AASDHPPT: variants seen among roughly 807,000 people sequenced by gnomAD.
The protein encoded by AASDHPPT is L-aminoadipate-semialdehyde dehydrogenase-phosphopantetheinyl transferase.
In AASDHPPT, 23 loss-of-function variants were observed where a neutral mutation model predicts 36.4. That is an observed-to-expected ratio of 0.63 (90% CI 0.45 to 0.89). The LOEUF (loss-of-function observed/expected upper bound fraction) is 0.89. Ranked by LOEUF, AASDHPPT falls within the 40% of genes least tolerant of loss-of-function variation. AASDHPPT has a pLI of 0.00. For synonymous variants in AASDHPPT, 115 were observed against 128.0 expected, an observed-to-expected ratio of 0.90 and a Z score of 0.68; for missense variants, 377 against 378.2, an observed-to-expected ratio of 1.00 and a Z score of 0.03.
intron 2 of AASDHPPT, among the ~76,000 whole-genome samples, chr11:106,084,542 C>T (rs1328757267): frequency 6.6e-6 from 1 of 152,114 alleles, no homozygotes; most frequent in East Asian, 1.9e-4. Flanking sequence ...AAGTGATCTG[C>T]CTGCCTCAGC....
intron 4 of AASDHPPT, 124 bp from the exon 5 acceptor site, chr11:106,094,459 T>G (rs1031284068): frequency 1.6e-6 from 1 of 618,988 alleles, no homozygotes; most frequent in South Asian, 3.2e-5. Flanking sequence ...TATGCACGCG[T>G]GTGAGTGTAC....
intron 2 of AASDHPPT, among the ~76,000 whole-genome samples, chr11:106,087,017 T>C (rs1861204971): frequency 6.6e-6 from 1 of 152,218 alleles, no homozygotes; most frequent in Non-Finnish European, 1.5e-5. Flanking sequence ...GTTCTAGCTC[T>C]ATCAGCCTGT....
In AASDHPPT at chr11:106,096,979, G is replaced by T; in HGVS notation, c.*72G>T. The T allele has an allele frequency of 1.5e-6, 2 of 1,373,230 alleles. No homozygotes were observed. The highest frequency in any genetic ancestry group is 2.8e-5 in the East Asian group (1 of 35,770). 85.1% of individuals were successfully genotyped at this position (1,373,230 alleles called of 1,614,324 possible). On this transcript the variant is annotated 3_prime_UTR_variant, in exon 6 of 6. Transcript: ENST00000278618. ...CGTATTCACTGAAAAATAAATGCTT[G>T]TTTAGTATCAAATTTTATTTCACGA...
Position 106,077,664 on chromosome 11 carries a change from G to T in AASDHPPT, c.-47G>T, listed in dbSNP as rs1022765078. 9 of 1,588,530 alleles carry T rather than the reference G, an allele frequency of 5.7e-6. No individual in the cohort carries two copies. The highest frequency in any genetic ancestry group is 7.7e-6 in the Non-Finnish European group (9 of 1,163,594). ...AAGAAGGGGGTGGGGCCACGTTTGCGTCCGCGCCATCAGGCCCGAGATAGC... is the reference window on the plus strand; with the variant it reads ...AAGAAGGGGGTGGGGCCACGTTTGCTTCCGCGCCATCAGGCCCGAGATAGC... On this transcript the variant is annotated 5_prime_UTR_variant, in exon 1 of 6. Coordinates refer to ENST00000278618, the MANE Select transcript of AASDHPPT (RefSeq NM_015423.3).
chr11:106,078,722 T>C (rs1429157135), intron 1 of AASDHPPT, among the ~76,000 whole-genome samples: 2 of 152,230 alleles, frequency 1.3e-5, no homozygotes, highest in Non-Finnish European at 2.9e-5. Flanking sequence ...CTGCAGTTTT[T>C]AAAAGTCAGT....
At chr11:106,083,903 T>A (rs1043561490) in intron 2 of AASDHPPT, among the ~76,000 whole-genome samples, 1 of 152,124 alleles carries the variant, frequency 6.6e-6, no homozygotes, top group Non-Finnish European at 1.5e-5. Flanking sequence ...AATGGATATT[T>A]AAATTTAAAA....
Position 106,079,463 on chromosome 11 carries a change from A to G in AASDHPPT, c.184-4A>G. On this transcript the variant is annotated splice_polypyrimidine_tract_variant and splice_region_variant and intron_variant, in intron 1 of 5. Coordinates refer to ENST00000278618, the MANE Select transcript of AASDHPPT (RefSeq NM_015423.3). ...ACATACCAAATGTTTTATGTACTTA[A>G]CAGGCTGGTCGTCTGATGATAAGGA... The G allele has an allele frequency of 6.3e-7, 1 of 1,596,958 alleles. No individual in the cohort carries two copies. The highest frequency in any genetic ancestry group is 8.5e-7 in the Non-Finnish European group (1 of 1,169,636).
At chr11:106,080,363 T>G (rs1398778509) in intron 2 of AASDHPPT, among the ~76,000 whole-genome samples, 2 of 152,148 alleles carry the variant, frequency 1.3e-5, no homozygotes, top group Non-Finnish European at 2.9e-5. Flanking sequence ...TCTAAATACA[T>G]CTCTTTTTAG....
chr11:106,094,785 A>G (rs995193496), intron 5 of AASDHPPT, 131 bp downstream of exon 5: 31 of 569,098 alleles, frequency 5.4e-5, no homozygotes, highest in Non-Finnish European at 8.2e-5. Flanking sequence ...ATATAGTAGT[A>G]CTCTTTATTA....
At chr11:106,085,664 AAC>A (rs1861190301) in intron 2 of AASDHPPT, among the ~76,000 whole-genome samples, 1 of 152,238 alleles carries the variant, frequency 6.6e-6, no homozygotes, top group Non-Finnish European at 1.5e-5. Context: ...ACTTTATAAA[AAC>A]AGTTGACAAA....
At chr11:106,086,380 G>A (rs1304203507) in intron 2 of AASDHPPT, 1 of 152,122 alleles carries the variant, frequency 6.6e-6, no homozygotes. Flanking sequence ...CTCCTTGTAA[G>A]GAAACCAGGC....
At position 106,097,071 on chromosome 11, in the gene AASDHPPT, C is replaced by T. The variant is rs533250072; in HGVS notation, c.*164C>T. On this transcript the variant is annotated 3_prime_UTR_variant, in exon 6 of 6. Coordinates refer to ENST00000278618, the MANE Select transcript of AASDHPPT (RefSeq NM_015423.3). The stretch of plus-strand genomic sequence containing the variant: ...AAAGCAGACTTCTGGTTCAAGATAG[C>T]TCACTGGAATACATGTTTACCTCTT... 130 of 629,208 alleles carry T rather than the reference C, an allele frequency of 2.1e-4. No homozygotes were observed. The African/African-American group carries it at 2.2e-3, about 11-fold the overall frequency. 39.0% of individuals were successfully genotyped at this position (629,208 alleles called of 1,614,324 possible).
Position 106,077,729 on chromosome 11 carries a change from C to A in AASDHPPT, c.19C>A (p.Arg7=). Residue 7 remains arginine, a synonymous_variant, in exon 1 of 6, where the codon CGG becomes AGG. Transcript: ENST00000278618. MVFPAK[R]FCLVPSMEGV... ...TCAGTGTATGGTTTTCCCTGCCAAA[C>A]GGTTCTGCTTGGTGCCATCCATGGA... 1 of 1,613,814 alleles carries A rather than the reference C, an allele frequency of 6.2e-7. No homozygotes were observed.
intron 5 of AASDHPPT, chr11:106,095,780 A>C (rs903124561): frequency 5.3e-5 from 8 of 152,188 alleles, no homozygotes; most frequent in African/African-American, 1.9e-4. Flanking sequence ...GTTAAAATTG[A>C]CACCTGTTAT....
intron 2 of AASDHPPT, chr11:106,086,466 A>G (rs933019185): frequency 1.3e-5 from 2 of 152,260 alleles, no homozygotes; most frequent in South Asian, 4.1e-4. Flanking sequence ...TCTATTTCCA[A>G]ATAAGGTCAC....
At chr11:106,085,878 A>G (rs1311505489) in intron 2 of AASDHPPT, 2 of 152,254 alleles carry the variant, frequency 1.3e-5, no homozygotes, top group African/African-American at 4.8e-5. Flanking sequence ...CTAGTGGGAA[A>G]TCCACAGTGC....
intron 2 of AASDHPPT, among the ~76,000 whole-genome samples, chr11:106,084,035 T>A (rs529886531): frequency 6.6e-6 from 1 of 152,274 alleles, no homozygotes; most frequent in South Asian, 2.1e-4. Context: ...ATGAAGTGAT[T>A]AGAAAATATT....
chr11:106,091,645 A>T, intron 4 of AASDHPPT, 168 bp downstream of exon 4: 1 of 577,328 alleles, frequency 1.7e-6, no homozygotes, highest in Admixed American at 4.1e-5. Flanking sequence ...ATTTATACTA[A>T]TACTTGAAAG....
At chr11:106,089,938 T>C (rs2135042427) in intron 2 of AASDHPPT, among the ~76,000 whole-genome samples, 2 of 152,152 alleles carry the variant, frequency 1.3e-5, no homozygotes, top group Admixed American at 1.3e-4. Context: ...GTAATGAAAA[T>C]CTTTTTATTT....
Sources: gnomAD v4.1 joint callset for allele counts (sites outside exome capture counted in the v4.1 genomes callset) on GRCh38, gnomAD v4.1.1 for gene constraint, MANE v1.5 for transcripts, NCBI Gene and HGNC (gene_info 2026-07-23, HGNC 2026-07-21) for gene names.